The following ACSS3 variants were observed in gnomAD, a reference collection of about 807,000 sequenced individuals.
The protein encoded by ACSS3 is acyl-CoA synthetase short chain family member 3.
A neutral mutation model predicts 84.2 loss-of-function variants in ACSS3; 64 were observed. The observed-to-expected ratio is 0.76, with a 90% confidence interval of 0.62 to 0.94. The LOEUF is 0.94. Ranked by LOEUF, ACSS3 falls within the 40% of genes least tolerant of loss-of-function variation. The pLI, the probability that ACSS3 is intolerant of heterozygous loss-of-function variation, is 0.00. For synonymous variants in ACSS3, 317 were observed against 310.1 expected, an observed-to-expected ratio of 1.02 and a Z score of -0.23; for missense variants, 815 against 867.6, an observed-to-expected ratio of 0.94 and a Z score of 0.76.
intron 3 of ACSS3, among the ~76,000 whole-genome samples, chr12:81,138,385 C>A (rs1208046979): frequency 6.6e-6 from 1 of 152,144 alleles, no homozygotes; most frequent in Non-Finnish European, 1.5e-5. Context: ...GATTTATGAA[C>A]ACTGACTATA....
chr12:81,205,449 C>T (rs1355128841), intron 9 of ACSS3, among the ~76,000 whole-genome samples: 1 of 151,978 alleles, frequency 6.6e-6, no homozygotes, highest in Non-Finnish European at 1.5e-5. Flanking sequence ...TTGTTTAAGA[C>T]AGCAATACAT....
At chr12:81,080,719 A>C (rs1055118891) in intron 1 of ACSS3, among the ~76,000 whole-genome samples, 1 of 152,206 alleles carries the variant, frequency 6.6e-6, no homozygotes, top group Non-Finnish European at 1.5e-5. Context: ...AGCCAAACAG[A>C]AGGGCAGACT....
intron 2 of ACSS3, among the ~76,000 whole-genome samples, chr12:81,129,102 G>C (rs989997924): frequency 4.6e-5 from 7 of 152,130 alleles, no homozygotes; most frequent in Admixed American, 3.3e-4. Context: ...GCTGAAACAA[G>C]CAAGGCCAAA....
chr12:81,183,219 GT>G (rs1380434014), intron 8 of ACSS3, among the ~76,000 whole-genome samples: 1 of 152,140 alleles, frequency 6.6e-6, no homozygotes, highest in Non-Finnish European at 1.5e-5. Flanking sequence ...TGTGATTTTG[GT>G]TTCTTTCTAC....
At chr12:81,099,155 T>G (rs1277729484) in intron 1 of ACSS3, among the ~76,000 whole-genome samples, 1 of 152,176 alleles carries the variant, frequency 6.6e-6, no homozygotes, top group Non-Finnish European at 1.5e-5. Context: ...TTTTAGTATA[T>G]AGATAATCAA....
chr12:81,082,893 A>G (rs1881076453), intron 1 of ACSS3, among the ~76,000 whole-genome samples: 1 of 152,196 alleles, frequency 6.6e-6, no homozygotes, highest in Non-Finnish European at 1.5e-5. Flanking sequence ...AGTGCCTAGG[A>G]CTGTCCCTGA....
chr12:81,208,898 A>G (rs558265746), intron 9 of ACSS3, among the ~76,000 whole-genome samples: 7 of 151,738 alleles, frequency 4.6e-5, no homozygotes, highest in Non-Finnish European at 7.4e-5. Context: ...TACCCTCAAC[A>G]CTCCCTTTTC....
intron 11 of ACSS3, among the ~76,000 whole-genome samples, chr12:81,225,783 T>G (rs1268937744): frequency 6.6e-6 from 1 of 151,936 alleles, no homozygotes; most frequent in African/African-American, 2.4e-5. Flanking sequence ...TGTAGCACAG[T>G]GCATGAGGAA....
intron 8 of ACSS3, among the ~76,000 whole-genome samples, chr12:81,182,757 C>T (rs922510129): frequency 6.6e-6 from 1 of 152,146 alleles, no homozygotes; most frequent in Non-Finnish European, 1.5e-5. Context: ...CCTCTTCTCT[C>T]CCCAGTCTCA....
chr12:81,192,843 T>G (rs766325418), intron 8 of ACSS3, among the ~76,000 whole-genome samples: 2 of 152,234 alleles, frequency 1.3e-5, no homozygotes, highest in Non-Finnish European at 2.9e-5. Context: ...TATGTCTCTC[T>G]ACATTTTTCT....
At chr12:81,237,129 T>G (rs1431592501) in intron 13 of ACSS3, among the ~76,000 whole-genome samples, 1 of 151,482 alleles carries the variant, frequency 6.6e-6, no homozygotes, top group East Asian at 1.9e-4. Context: ...ATCTCCAGTT[T>G]TACAACATAG....
chr12:81,179,453 G>T (rs1275968475), intron 8 of ACSS3, among the ~76,000 whole-genome samples: 1 of 151,840 alleles, frequency 6.6e-6, no homozygotes, highest in Admixed American at 6.6e-5. Flanking sequence ...CTAATATCTG[G>T]AATATATAAG....
At chr12:81,099,575 T>C (rs1882339569) in intron 1 of ACSS3, among the ~76,000 whole-genome samples, 1 of 152,156 alleles carries the variant, frequency 6.6e-6, no homozygotes, top group Non-Finnish European at 1.5e-5. Context: ...AGCTTTGTTA[T>C]TGGAATGGGA....
chr12:81,139,205 A>G lies in ACSS3; in HGVS notation c.720A>G (p.Glu240=), dbSNP rs1335109292. The G allele has an allele frequency of 1.2e-6, 2 of 1,614,038 alleles. No individual in the cohort carries two copies. The highest frequency in any genetic ancestry group is 3.3e-5 in the Admixed American group (2 of 60,022). Residue 240 remains glutamate, a synonymous_variant, in exon 4 of 16, where the codon GAA becomes GAG. Transcript: ENST00000548058. Reference sequence around the variant, plus strand: ...TAGAGTACGTACCACTTGTAGAAGAAGCGCTAAAAATAGGACAACACAAAC... The same window carrying G: ...TAGAGTACGTACCACTTGTAGAAGAGGCGCTAAAAATAGGACAACACAAAC... ...RRVEYVPLVE[E]ALKIGQHKPD...
At chr12:81,222,603 G>T (rs2033146744) in intron 11 of ACSS3, among the ~76,000 whole-genome samples, 1 of 151,904 alleles carries the variant, frequency 6.6e-6, no homozygotes, top group Non-Finnish European at 1.5e-5. Context: ...CATTTGTGTA[G>T]GTTCATATTT....
chr12:81,164,655 C>T (rs1016783539), intron 7 of ACSS3, among the ~76,000 whole-genome samples: 20 of 152,132 alleles, frequency 1.3e-4, no homozygotes, highest in African/African-American at 4.1e-4. Context: ...GTAATCTCCA[C>T]TAAGTCATCC....
At chr12:81,239,580 C>T (rs1000190674) in intron 13 of ACSS3, among the ~76,000 whole-genome samples, 6 of 151,756 alleles carry the variant, frequency 4.0e-5, no homozygotes, top group Admixed American at 1.3e-4. Flanking sequence ...TCTTACATGG[C>T]GGCAGGCAAG....
rs80175965 is a variant in ACSS3, at chr12:81,162,997, C to T, written c.1098+10901C>T. On this transcript the variant is annotated intron_variant, in intron 7 of 15. Transcript: ENST00000548058. Reference sequence around the variant, plus strand: ...TGGGGACAGGGGCTTCCTGGGCCTCCGAGAACACAGGGATGGCTGGGTGGC... The same window carrying T: ...TGGGGACAGGGGCTTCCTGGGCCTCTGAGAACACAGGGATGGCTGGGTGGC... Among the ~76,000 whole-genome samples, 226 of 152,140 alleles carry T rather than the reference C, an allele frequency of 1.5e-3. 3 individuals carry two copies. The highest frequency in any genetic ancestry group is 5.1e-3 in the African/African-American group (211 of 41,518).
intron 13 of ACSS3, among the ~76,000 whole-genome samples, chr12:81,244,249 G>A (rs1454298506): frequency 1.3e-5 from 2 of 151,864 alleles, no homozygotes; most frequent in Non-Finnish European, 2.9e-5. Flanking sequence ...TTCTCTATAG[G>A]TAAGGTGTTT....
Sources: gnomAD v4.1 joint callset for allele counts (sites outside exome capture counted in the v4.1 genomes callset) on GRCh38, gnomAD v4.1.1 for gene constraint, MANE v1.5 for transcripts, NCBI Gene and HGNC (gene_info 2026-07-23, HGNC 2026-07-21) for gene names.